The following MAGI1 variants were observed in gnomAD, a reference collection of about 807,000 sequenced individuals.
MAGI1 encodes the protein membrane associated guanylate kinase, WW and PDZ domain containing 1.
Under a neutral mutation model 139.9 loss-of-function variants are expected in MAGI1, and 58 were observed. The observed-to-expected ratio is 0.41, with a 90% CI of 0.34 to 0.52. The LOEUF is 0.52. Among genes scored for constraint, MAGI1 ranks in the 20% least tolerant of loss-of-function variants. The probability of loss-of-function intolerance (pLI) is 0.12; values close to 1 mark genes in which losing one functional copy is unlikely to be tolerated. For missense variants in MAGI1, 1,874 were observed against 1,901.6 expected (o/e 0.99, Z 0.27); for synonymous variants, 812 against 737.9 (o/e 1.10, Z -1.63).
intron 1 of MAGI1, among the ~76,000 whole-genome samples, chr3:65,641,967 G>A (rs2085005538): frequency 6.6e-6 from 1 of 152,156 alleles, no homozygotes; most frequent in Non-Finnish European, 1.5e-5. Flanking sequence ...GGCTGTGATC[G>A]ATGACAAGGA....
chr3:65,623,624 C>G (rs764027666), intron 1 of MAGI1, among the ~76,000 whole-genome samples: 5 of 152,128 alleles, frequency 3.3e-5, no homozygotes, highest in Non-Finnish European at 7.4e-5. Context: ...CTACAAAACT[C>G]ATGCCTTCAA....
At chr3:65,454,554 A>G (rs1386932911) in intron 5 of MAGI1, among the ~76,000 whole-genome samples, 1 of 145,698 alleles carries the variant, frequency 6.9e-6, no homozygotes, top group Non-Finnish European at 1.5e-5. Flanking sequence ...AATAATAATA[A>G]TAAAAAAATA....
chr3:65,725,775 T>C (rs536270336), intron 1 of MAGI1, among the ~76,000 whole-genome samples: 54 of 152,274 alleles, frequency 3.5e-4, no homozygotes, highest in Admixed American at 3.3e-3. Flanking sequence ...CAGCACAGTC[T>C]TAGCCGATGA....
At chr3:65,882,786 T>A (rs973617122) in intron 1 of MAGI1, among the ~76,000 whole-genome samples, 12 of 151,180 alleles carry the variant, frequency 7.9e-5, no homozygotes, top group African/African-American at 2.7e-4. Flanking sequence ...TCAGAAAAAA[T>A]TAGCCAGGCA....
Position 65,516,152 on chromosome 3 carries a change from A to T in MAGI1, c.431-22521T>A, listed in dbSNP as rs115350741. 4.8e-3 allele frequency among the ~76,000 whole-genome samples: 735 copies of T among 152,240 alleles called. 5 individuals carry two copies. The highest frequency in any genetic ancestry group is 0.016 in the African/African-American group (669 of 41,570). On this transcript the variant is annotated intron_variant, in intron 2 of 22. Transcript: ENST00000402939. The stretch of plus-strand genomic sequence containing the variant: ...GCACAGAAGTTCAAGTCCAGACTGG[A>T]CAACATACCAAGACCCTGTCTCCCT...
At chr3:65,361,416 A>G (rs529404132) in intron 21 of MAGI1, 79 bp from the exon 22 acceptor site, 1 of 1,442,324 alleles carries the variant, frequency 6.9e-7, no homozygotes, top group South Asian at 1.2e-5. Context: ...CACGTGGCAG[A>G]ACATCTATTG....
intron 1 of MAGI1, among the ~76,000 whole-genome samples, chr3:65,682,391 T>A (rs528566798): frequency 2.8e-4 from 42 of 152,322 alleles, no homozygotes; most frequent in Admixed American, 2.5e-3. Flanking sequence ...GGAAGAAGAA[T>A]GTAGAACCCA....
intron 1 of MAGI1, among the ~76,000 whole-genome samples, chr3:65,830,625 T>C (rs141429461): frequency 4.1e-4 from 63 of 152,336 alleles, no homozygotes; most frequent in African/African-American, 1.4e-3. Context: ...GACTGACTTA[T>C]ATTTGCTAAC....
rs1178252106 is a variant in MAGI1 at position 65,611,127 on chromosome 3, T to C, written c.430+10845A>G. On this transcript the variant is annotated intron_variant, in intron 2 of 22. Coordinates refer to ENST00000402939, the MANE Select transcript of MAGI1 (RefSeq NM_001033057.2). Reference sequence around the variant, plus strand: ...TAGTATATTATATACGTATATAATATATAGTATAAATAGTATATAGTATAT... The same window carrying C: ...TAGTATATTATATACGTATATAATACATAGTATAAATAGTATATAGTATAT... Among the ~76,000 whole-genome samples the C allele has an allele frequency of 5.0e-5, 7 of 139,808 alleles. 1 individual carries two copies. The highest frequency in any genetic ancestry group is 3.0e-4 in the Admixed American group (4 of 13,270). The allele number at this position is 139,808 out of a possible 152,430, so 91.7% of individuals were successfully genotyped here. A position where few individuals can be genotyped will look rare whatever the true frequency, so the allele number is the denominator to read the frequency against.
intron 1 of MAGI1, among the ~76,000 whole-genome samples, chr3:65,867,325 C>T (rs1283048839): frequency 1.3e-5 from 2 of 152,160 alleles, no homozygotes; most frequent in African/African-American, 2.4e-5. Flanking sequence ...ATTCCTGGCA[C>T]GCTGTTGGCA....
intron 1 of MAGI1, among the ~76,000 whole-genome samples, chr3:65,898,933 T>C (rs546364883): frequency 2.0e-5 from 3 of 152,188 alleles, no homozygotes; most frequent in Admixed American, 6.5e-5. Flanking sequence ...AAAAAAATTT[T>C]TTTTTGAGAC....
chr3:65,894,073 C>T (rs998279989), intron 1 of MAGI1, among the ~76,000 whole-genome samples: 4 of 152,178 alleles, frequency 2.6e-5, no homozygotes, highest in African/African-American at 9.7e-5. Context: ...GGAAGTCTCA[C>T]AGCACTGCTC....
intron 1 of MAGI1, among the ~76,000 whole-genome samples, chr3:65,831,684 A>G (rs924791313): frequency 6.6e-6 from 1 of 152,216 alleles, no homozygotes; most frequent in African/African-American, 2.4e-5. Context: ...GCCAAAACAA[A>G]AAAATTCCAC....
intron 2 of MAGI1, among the ~76,000 whole-genome samples, chr3:65,559,447 A>G (rs1576318506): frequency 6.6e-6 from 1 of 152,296 alleles, no homozygotes; most frequent in East Asian, 1.9e-4. Context: ...CAAAATACTA[A>G]TCATAACTTG....
At chr3:65,363,023 G>A (rs975628360) in intron 21 of MAGI1, among the ~76,000 whole-genome samples, 1 of 152,050 alleles carries the variant, frequency 6.6e-6, no homozygotes, top group Non-Finnish European at 1.5e-5. Flanking sequence ...TGAGCCTAAG[G>A]TAAGACCACT....
rs975163938 is a variant in MAGI1 at position 66,038,090 on chromosome 3, C to T, written c.219G>A (p.Val73=). The T allele has an allele frequency of 1.2e-5, 19 of 1,612,988 alleles. No individual in the cohort carries two copies. Among genetic ancestry groups the T allele is most frequent in the African/African-American group, 2.7e-5 (2 of 74,916 alleles). Residue 73 remains valine, a synonymous_variant, in exon 1 of 23, where the codon GTG becomes GTA. Coordinates refer to ENST00000402939, the MANE Select transcript of MAGI1 (RefSeq NM_001033057.2). The stretch of plus-strand genomic sequence containing the variant: ...GCAAGCCGGACACCCGGACCCCCTG[C>T]ACCTCCAGAAGCAGCTCCCCTTCGC... The part of the protein sequence containing the change: ...RLGEGELLLE[V]QGVRVSGLPR...
intron 1 of MAGI1, among the ~76,000 whole-genome samples, chr3:65,662,782 T>C (rs2086270889): frequency 6.6e-6 from 1 of 152,326 alleles, no homozygotes; most frequent in South Asian, 2.1e-4. Context: ...CCTCATACTA[T>C]ACATTAGATT....
intron 1 of MAGI1, among the ~76,000 whole-genome samples, chr3:65,885,404 A>C (rs1408754048): frequency 6.6e-6 from 1 of 152,104 alleles, no homozygotes; most frequent in Non-Finnish European, 1.5e-5. Flanking sequence ...TCTCAAAAAA[A>C]AAAAAAATAG....
At chr3:65,537,780 C>A (rs2079028905) in intron 2 of MAGI1, among the ~76,000 whole-genome samples, 1 of 152,004 alleles carries the variant, frequency 6.6e-6, no homozygotes, top group South Asian at 2.1e-4. Flanking sequence ...TTCCCCAACC[C>A]CCTGAAAATT....
Sources: gnomAD v4.1 joint callset for allele counts (sites outside exome capture counted in the v4.1 genomes callset) on GRCh38, gnomAD v4.1.1 for gene constraint, MANE v1.5 for transcripts, NCBI Gene and HGNC (gene_info 2026-07-23, HGNC 2026-07-21) for gene names.